ZNF559: variants seen among roughly 807,000 people sequenced by gnomAD.
ZNF559 encodes the protein zinc finger protein 559.
ZNF559 carries 17 observed loss-of-function variants against 14.2 expected under a neutral mutation model. The ratio of observed to expected loss-of-function variants is 1.20; its 90% CI spans 0.82 to 1.80. ZNF559 has a LOEUF of 1.80. ZNF559 is among the 40% of genes most tolerant of loss of function. ZNF559 has a pLI of 0.00. For missense variants in ZNF559, 740 were observed against 629.7 expected (o/e 1.18, Z -1.88); for synonymous variants, 244 against 212.4 (o/e 1.15, Z -1.29).
At position 9,343,815 on chromosome 19, in the gene ZNF559, A is replaced by G. The variant is rs1002601686; in HGVS notation, c.*747A>G. On this transcript the variant is annotated 3_prime_UTR_variant, in exon 7 of 7. Transcript: ENST00000603380. ...TATACATGTTTTAAAGAGGTTATAT[A>G]TCATTAATAAAAATATCTAGCTGGT... 1.8e-5 allele frequency: 18 copies of G among 983,860 alleles called. No individual in the cohort carries two copies. The African/African-American group carries it at 3.0e-4, about 16-fold the overall frequency. 60.9% of individuals were successfully genotyped at this position (983,860 alleles called of 1,614,324 possible). A position where few individuals can be genotyped will look rare whatever the true frequency, so the allele number is the denominator to read the frequency against.
intron 4 of ZNF559, 118 bp downstream of exon 4, chr19:9,338,700 C>A: frequency 1.3e-6 from 1 of 743,016 alleles, no homozygotes; most frequent in South Asian, 1.7e-5. Context: ...GGGACCACAT[C>A]TCTCATCAAA....
chr19:9,340,484 G>T (rs541788058), intron 5 of ZNF559, among the ~76,000 whole-genome samples: 1 of 135,074 alleles, frequency 7.4e-6, no homozygotes, highest in South Asian at 2.3e-4. Context: ...TTTCAACTTT[G>T]TTTCCCTGGC....
intron 5 of ZNF559, among the ~76,000 whole-genome samples, chr19:9,340,130 GTAC>G (rs2067477297): frequency 6.6e-6 from 1 of 151,756 alleles, no homozygotes; most frequent in African/African-American, 2.4e-5. Flanking sequence ...TGAGACCAGG[GTAC>G]TAGCTATGCA....
rs780229447 is a variant in ZNF559 at position 9,342,192 on chromosome 19, G to GA, written c.744dup (p.Pro249ThrfsTer4). ...AATTCTATGAATGTAAAGCATGTGG[G>GA]AAACCCTTCACTGAGTCGTCATATC... On this transcript the variant is annotated frameshift_variant, in exon 7 of 7. Coordinates refer to ENST00000603380, the MANE Select transcript of ZNF559 (RefSeq NM_032497.3). LOFTEE classifies it low-confidence loss of function (END_TRUNC). 68 of 1,606,194 alleles carry GA rather than the reference G, an allele frequency of 4.2e-5. No individual in the cohort carries two copies. The South Asian group carries it at 7.4e-4, about 17-fold the overall frequency.
At chr19:9,324,525 G>C (rs1027029969) in intron 1 of ZNF559, 170 bp from the exon 2 acceptor site, 1 of 1,268,588 alleles carries the variant, frequency 7.9e-7, no homozygotes, top group African/African-American at 1.5e-5. Context: ...CGGCGCGGCG[G>C]CTCACGCCTG....
At position 9,332,207 on chromosome 19, in the gene ZNF559, A is replaced by G. The variant is rs565163175; in HGVS notation, c.-119-5589A>G. Among the ~76,000 whole-genome samples the G allele has an allele frequency of 5.3e-5, 8 of 152,276 alleles. No homozygotes were observed. The South Asian group carries it at 1.7e-3, about 32-fold the overall frequency. Reference sequence around the variant, plus strand: ...GAATTTTGTCAAATTCCTTTTCTGCATCTCATGAGATCATCTGATTTTCTG... The same window carrying G: ...GAATTTTGTCAAATTCCTTTTCTGCGTCTCATGAGATCATCTGATTTTCTG... On this transcript the variant is annotated intron_variant, in intron 2 of 6. Transcript: ENST00000603380.
rs1023242682 is a variant in ZNF559, at chr19:9,345,657, A to T, written c.*2589A>T. The T allele has an allele frequency of 6.7e-5, 10 of 149,308 alleles. No homozygotes were observed. Among genetic ancestry groups the T allele is most frequent in the South Asian group, 4.2e-4 (2 of 4,766 alleles). 9.2% of individuals were successfully genotyped at this position (149,308 alleles called of 1,614,324 possible). A position where few individuals can be genotyped will look rare whatever the true frequency, so the allele number is the denominator to read the frequency against. ...TTGGCTTTATTTTTTATTTATTTTT[A>T]TTTTTTTTTATATAGAGACAGGGTT... On this transcript the variant is annotated 3_prime_UTR_variant, in exon 7 of 7. Coordinates refer to ENST00000603380, the MANE Select transcript of ZNF559 (RefSeq NM_032497.3).
chr19:9,342,828 T>C lies in ZNF559; in HGVS notation c.1377T>C (p.His459=). 6.2e-7 allele frequency: 1 copy of C among 1,613,780 alleles called. No homozygotes were observed. Among genetic ancestry groups the C allele is most frequent in the Non-Finnish European group, 8.5e-7 (1 of 1,179,948 alleles). Residue 459 remains histidine, a synonymous_variant, in exon 7 of 7, where the codon CAT becomes CAC. Coordinates refer to ENST00000603380, the MANE Select transcript of ZNF559 (RefSeq NM_032497.3). ...SSHLSQHKRI[H]TGERPYKCQK... is the part of the protein sequence containing the mutation. ...ACCTTAGTCAACATAAAAGAATACA[T>C]ACAGGGGAGAGGCCATATAAATGTC... is the stretch of plus-strand genomic sequence containing the variant.
intron 2 of ZNF559, among the ~76,000 whole-genome samples, chr19:9,328,038 G>A (rs957137110): frequency 1.3e-5 from 2 of 152,126 alleles, no homozygotes; most frequent in African/African-American, 4.8e-5. Flanking sequence ...TCTAGAATAT[G>A]TATTTTCTTA....
At position 9,342,018 on chromosome 19, in the gene ZNF559, CTG is replaced by C; in HGVS notation, c.570_571del (p.Cys190Ter). 2 of 1,610,118 alleles carry C rather than the reference CTG, an allele frequency of 1.2e-6. No homozygotes were observed. The highest frequency in any genetic ancestry group is 1.7e-6 in the Non-Finnish European group (2 of 1,178,848). Reference sequence around the variant, plus strand: ...AAGAGAAACCATATAAATGCAGTGACTGTGAAAAAGGCTTACCTTCCTCCTCA... The same window carrying C: ...AAGAGAAACCATATAAATGCAGTGACTGAAAAAGGCTTACCTTCCTCCTCA... ...TQEKPYKCSD[C>X]EKGLPSSSHL... On this transcript the variant is annotated frameshift_variant, in exon 7 of 7. Coordinates refer to ENST00000603380, the MANE Select transcript of ZNF559 (RefSeq NM_032497.3). LOFTEE classifies it low-confidence loss of function (END_TRUNC).
intron 2 of ZNF559, among the ~76,000 whole-genome samples, chr19:9,326,793 C>T (rs1011956349): frequency 6.6e-6 from 1 of 152,132 alleles, no homozygotes; most frequent in African/African-American, 2.4e-5. Context: ...TTTACACTTA[C>T]AGCTAATTTT....
At chr19:9,338,697 C>T in intron 4 of ZNF559, 115 bp downstream of exon 4, 1 of 744,942 alleles carries the variant, frequency 1.3e-6, no homozygotes, top group Non-Finnish European at 2.3e-6. Flanking sequence ...TTAGGGACCA[C>T]ATCTCTCATC....
At chr19:9,337,437 T>C (rs2067301325) in intron 2 of ZNF559, among the ~76,000 whole-genome samples, 2 of 152,086 alleles carry the variant, frequency 1.3e-5, no homozygotes, top group Admixed American at 1.3e-4. Context: ...CTCAAGAGAG[T>C]GCAGGGTTTG....
intron 1 of ZNF559, 96 bp downstream of exon 1, chr19:9,324,324 C>T (rs927308198): frequency 3.3e-5 from 51 of 1,530,792 alleles, no homozygotes; most frequent in East Asian, 9.8e-5. Flanking sequence ...GAAATGGAGC[C>T]TGTCCCGTGC....
chr19:9,339,266 G>A lies in ZNF559; in HGVS notation c.107G>A (p.Arg36Lys). The A allele has an allele frequency of 6.2e-7, 1 of 1,613,998 alleles. No homozygotes were observed. The highest frequency in any genetic ancestry group is 8.5e-7 in the Non-Finnish European group (1 of 1,179,966). Reference protein sequence around the residue: ...EEWTLLDQTQRNLYRDVMLEN... With the variant: ...EEWTLLDQTQKNLYRDVMLEN... ...TGGACTTTGCTGGATCAAACTCAGA[G>A]AAACTTATACAGAGATGTGATGCTG... The change falls in exon 5 of 7, where the codon AGA becomes AAA. Residue 36 changes from arginine to lysine, a missense_variant. By Grantham distance (26) the Arg-to-Lys change is conservative. Transcript: ENST00000603380.
intron 2 of ZNF559, among the ~76,000 whole-genome samples, chr19:9,334,308 G>A (rs1174173976): frequency 1.3e-5 from 2 of 152,226 alleles, no homozygotes; most frequent in African/African-American, 4.8e-5. Flanking sequence ...AAATGTTTCA[G>A]TGAGCATTTC....
chr19:9,324,076 T>G, upstream of ZNF559: 1 of 1,360,838 alleles, frequency 7.3e-7, no homozygotes. Context: ...CTCTCAGCTC[T>G]GGGTTGGAAA....
In ZNF559 at chr19:9,339,199, G is replaced by T; in HGVS notation, c.40G>T (p.Val14Leu). ...GWLTNYSQDS[V>L]TFEDVAVDFT... Reference sequence around the variant, plus strand: ...CATGTGTGTGATGGTTTAGGACTCAGTGACCTTTGAGGATGTGGCTGTGGA... The same window carrying T: ...CATGTGTGTGATGGTTTAGGACTCATTGACCTTTGAGGATGTGGCTGTGGA... Residue 14 changes from valine to leucine, a missense_variant, in exon 5 of 7, where the codon GTG becomes TTG. Val to Leu is a conservative substitution (Grantham distance 32). Transcript: ENST00000603380. 1 of 1,613,844 alleles carries T rather than the reference G, an allele frequency of 6.2e-7. No individual in the cohort carries two copies. The highest frequency in any genetic ancestry group is 1.6e-4 in the Middle Eastern group (1 of 6,062).
In ZNF559 at chr19:9,345,866, A is replaced by G. The variant is rs1306786813; in HGVS notation, c.*2798A>G. ...ATAATAAAACATTTCATTTTAACAGAGGTAACATAAATACACTTCCCAATT... is the reference window on the plus strand; with the variant it reads ...ATAATAAAACATTTCATTTTAACAGGGGTAACATAAATACACTTCCCAATT... On this transcript the variant is annotated 3_prime_UTR_variant, in exon 7 of 7. Coordinates refer to ENST00000603380, the MANE Select transcript of ZNF559 (RefSeq NM_032497.3). The G allele has an allele frequency of 6.6e-6, 1 of 151,826 alleles. No individual in the cohort carries two copies. The highest frequency in any genetic ancestry group is 2.4e-5 in the African/African-American group (1 of 41,382). The allele number at this position is 151,826 out of a possible 1,614,324, so 9.4% of individuals were successfully genotyped here.
Sources: gnomAD v4.1 joint callset for allele counts (sites outside exome capture counted in the v4.1 genomes callset) on GRCh38, gnomAD v4.1.1 for gene constraint, MANE v1.5 for transcripts, NCBI Gene and HGNC (gene_info 2026-07-23, HGNC 2026-07-21) for gene names.